The following JAKMIP3 variants were observed in gnomAD, a reference collection of about 807,000 sequenced individuals.
The protein encoded by JAKMIP3 is Janus kinase and microtubule interacting protein 3, also known as janus kinase and microtubule-interacting protein 3.
JAKMIP3 carries 58 observed loss-of-function variants against 118.5 expected under a neutral mutation model. The observed-to-expected ratio is 0.49, with a 90% CI of 0.40 to 0.61. The LOEUF (loss-of-function observed/expected upper bound fraction) is 0.61, where lower values mean the gene tolerates loss of function less well. JAKMIP3 is among the 20% of genes least tolerant of loss of function. The probability of loss-of-function intolerance (pLI) is 0.00; values close to 1 mark genes in which losing one functional copy is unlikely to be tolerated. For synonymous variants in JAKMIP3, 486 were observed against 451.2 expected, an observed-to-expected ratio of 1.08 and a Z score of -0.98; for missense variants, 950 against 1,109.0, an observed-to-expected ratio of 0.86 and a Z score of 2.04.
intron 1 of JAKMIP3, among the ~76,000 whole-genome samples, chr10:132,091,453 C>T (rs959417466): frequency 6.6e-6 from 1 of 152,172 alleles, no homozygotes; most frequent in African/African-American, 2.4e-5. Context: ...AATCTGGGTG[C>T]TCCTGTATTG....
chr10:132,132,273 T>C (rs1316180648), intron 3 of JAKMIP3, among the ~76,000 whole-genome samples: 1 of 152,228 alleles, frequency 6.6e-6, no homozygotes, highest in Non-Finnish European at 1.5e-5. Context: ...AGCAGCAAGA[T>C]ATCCCATTCT....
At position 132,049,005 on chromosome 10, in the gene JAKMIP3, T is replaced by C. The variant is rs1188902015; in HGVS notation, c.-138+12267T>C. On this transcript the variant is annotated intron_variant, in intron 1 of 23. Transcript: ENST00000657785. The surrounding 1 kb of genome is among the most constrained non-coding windows in gnomAD (Gnocchi z 4.3). The stretch of plus-strand genomic sequence containing the variant: ...TTCGTGGAGCTTTTTTTTTTTCTTT[T>C]TAATGTTGCCACATTGTTTCTTTAC... Among the ~76,000 whole-genome samples the C allele has an allele frequency of 6.6e-6, 1 of 152,172 alleles. No individual in the cohort carries two copies. Among genetic ancestry groups the C allele is most frequent in the African/African-American group, 2.4e-5 (1 of 41,434 alleles).
At chr10:132,129,932 C>T (rs922564697) in intron 3 of JAKMIP3, among the ~76,000 whole-genome samples, 1 of 150,208 alleles carries the variant, frequency 6.7e-6, no homozygotes, top group African/African-American at 2.5e-5. Flanking sequence ...CACGAGACCA[C>T]CAAGCTTGGG....
rs2037856834 is a variant in JAKMIP3 at position 132,044,690 on chromosome 10, A to G, written c.-138+7952A>G. Among the ~76,000 whole-genome samples, 2 of 152,124 alleles carry G rather than the reference A, an allele frequency of 1.3e-5. No homozygotes were observed. Among genetic ancestry groups the G allele is most frequent in the African/African-American group, 4.8e-5 (2 of 41,410 alleles). ...TGTTTTAAATTGTGGCGAAATACAC[A>G]TACAAGTCACCATCTGAACCATTTT... On this transcript the variant is annotated intron_variant, in intron 1 of 23. Coordinates refer to the JAKMIP3 transcript ENST00000657785. The surrounding 1 kb of genome is among the most constrained non-coding windows in gnomAD (Gnocchi z 5.3).
chr10:132,165,520 T>C (rs556707291), intron 21 of JAKMIP3, among the ~76,000 whole-genome samples: 2 of 152,224 alleles, frequency 1.3e-5, no homozygotes, highest in African/African-American at 2.4e-5. Context: ...ACGGGCTCCC[T>C]CCGAGGGCTG....
chr10:132,038,954 T>C (rs1359312144), intron 1 of JAKMIP3, among the ~76,000 whole-genome samples: 1 of 152,068 alleles, frequency 6.6e-6, no homozygotes, highest in Non-Finnish European at 1.5e-5. Flanking sequence ...TGGGAAGAGC[T>C]GCAGAGGCAG....
Position 132,117,400 on chromosome 10 carries a change from G to A in JAKMIP3, c.459G>A (p.Lys153=). 1 of 1,614,018 alleles carries A rather than the reference G, an allele frequency of 6.2e-7. No homozygotes were observed. Among genetic ancestry groups the A allele is most frequent in the Non-Finnish European group, 8.5e-7 (1 of 1,179,904 alleles). ...AKKGFEVEKV[K]MQQEISELKG... The stretch of plus-strand genomic sequence containing the variant: ...AGGGGTTCGAGGTGGAGAAGGTCAA[G>A]ATGCAGCAGGAGATCTCCGAGCTCA... The change falls in exon 3 of 24, where the codon AAG becomes AAA. Residue 153 remains lysine (K), a synonymous_variant. Coordinates refer to ENST00000684848, the MANE Select transcript of JAKMIP3 (RefSeq NM_001323087.2). This position sits in a 1 kb window ranked among gnomAD's most constrained non-coding sequence, Gnocchi z 8.6.
chr10:132,168,788 C>T lies in JAKMIP3; in HGVS notation c.*858C>T. The stretch of plus-strand genomic sequence containing the variant: ...GAACACGGATGCCAGAGGCTGCCTC[C>T]ATAGTGAATCTCCAGAAGTCACAGA... On this transcript the variant is annotated 3_prime_UTR_variant, in exon 23 of 24. Transcript: ENST00000684848. The T allele has an allele frequency of 4.1e-6, 1 of 245,460 alleles. No individual in the cohort carries two copies. The highest frequency in any genetic ancestry group is 4.4e-5 in the South Asian group (1 of 22,614). The allele number at this position is 245,460 out of a possible 1,614,324, so 15.2% of individuals were successfully genotyped here.
intron 8 of JAKMIP3, among the ~76,000 whole-genome samples, chr10:132,137,917 G>T (rs2052172809): frequency 1.3e-5 from 2 of 152,218 alleles, no homozygotes; most frequent in African/African-American, 4.8e-5. Context: ...CCTAATTGGG[G>T]AGCCGTCCGT....
At chr10:132,103,837 C>G (rs1437333221) in intron 1 of JAKMIP3, among the ~76,000 whole-genome samples, 1 of 152,094 alleles carries the variant, frequency 6.6e-6, no homozygotes, top group East Asian at 1.9e-4. Context: ...CAGACCCTAT[C>G]TCCAAAAAAA....
chr10:132,057,961 A>C lies in JAKMIP3; in HGVS notation c.-138+21223A>C, dbSNP rs144447971. ...GGTTCGGGTGACACTCAAACAGGAG[A>C]GTCTGCAATCAGGGCCGCATCCTGG... On this transcript the variant is annotated intron_variant, in intron 1 of 23. Transcript: ENST00000657785. Among the ~76,000 whole-genome samples, 794 of 152,292 alleles carry C rather than the reference A, an allele frequency of 5.2e-3. 14 individuals are homozygous for C. The highest frequency in any genetic ancestry group is 0.018 in the African/African-American group (750 of 41,562).
intron 1 of JAKMIP3, among the ~76,000 whole-genome samples, chr10:132,046,396 C>T (rs2037917139): frequency 6.6e-6 from 1 of 151,882 alleles, no homozygotes; most frequent in Non-Finnish European, 1.5e-5. Flanking sequence ...GCGGAGCTTG[C>T]AGTGAGCCGA....
intron 1 of JAKMIP3, among the ~76,000 whole-genome samples, chr10:132,057,419 G>A (rs1191075963): frequency 2.0e-5 from 3 of 152,246 alleles, no homozygotes; most frequent in East Asian, 3.8e-4. Flanking sequence ...AGCGTGGGCA[G>A]GAGCACGCCG....
chr10:132,155,156 A>G (rs2056930043), intron 19 of JAKMIP3, among the ~76,000 whole-genome samples: 1 of 147,902 alleles, frequency 6.8e-6, no homozygotes, highest in South Asian at 2.2e-4. Context: ...GGTGATGATC[A>G]TGACAGTGGT....
intron 1 of JAKMIP3, 76 bp from the exon 2 acceptor site, chr10:132,104,596 C>T: frequency 1.7e-6 from 1 of 583,412 alleles, no homozygotes; most frequent in South Asian, 2.1e-5. Context: ...GTGCCCCTGC[C>T]CCGGCACACA....
At chr10:132,172,996 CTTCCCTCTCTCTCTCT>C (rs2059677638) in intron 23 of JAKMIP3, among the ~76,000 whole-genome samples, 3 of 55,092 alleles carry the variant, frequency 5.4e-5, no homozygotes, top group African/African-American at 8.3e-5. Flanking sequence ...TCTCTCTCTC[CTTCCCTCTCTCTCTCT>C]CTCCCTCTCT....
intron 2 of JAKMIP3, among the ~76,000 whole-genome samples, chr10:132,108,369 G>A (rs986156190): frequency 2.6e-5 from 4 of 152,100 alleles, no homozygotes; most frequent in Admixed American, 6.5e-5. Context: ...TGCCAGTCCC[G>A]GGGGACAGTG....
intron 19 of JAKMIP3, among the ~76,000 whole-genome samples, chr10:132,161,030 C>T (rs866582699): frequency 0.012 from 117 of 10,142 alleles, no homozygotes; most frequent in Non-Finnish European, 0.017. Context: ...GCTGGGGGGG[C>T]CTCTTCCTGT....
intron 3 of JAKMIP3, among the ~76,000 whole-genome samples, chr10:132,125,825 TC>T (rs2135526288): frequency 6.6e-6 from 1 of 152,368 alleles, no homozygotes; most frequent in East Asian, 1.9e-4. Flanking sequence ...ATATCGATCT[TC>T]TAACCTGCAG....
Sources: allele counts gnomAD v4.1 joint callset (sites outside exome capture counted in the v4.1 genomes callset), GRCh38; gene constraint gnomAD v4.1.1; non-coding constraint Gnocchi (gnomAD v3.1); transcripts MANE v1.5; gene names NCBI Gene and HGNC (gene_info 2026-07-23, HGNC 2026-07-21).